The following ZFYVE26 variants were observed in gnomAD, a reference collection of about 807,000 sequenced individuals.
ZFYVE26 encodes the protein zinc finger FYVE domain-containing protein 26.
In ZFYVE26, 181 loss-of-function variants were observed where a neutral mutation model predicts 276.5. The ratio of observed to expected loss-of-function variants is 0.65; its 90% confidence interval spans 0.58 to 0.74. The LOEUF is 0.74. Among genes scored for constraint, ZFYVE26 ranks in the 30% least tolerant of loss-of-function variants. The pLI is 0.00. For synonymous variants in ZFYVE26, 1,129 were observed against 1,203.1 expected (o/e 0.94, Z 1.27); for missense variants, 2,821 against 3,097.9 (o/e 0.91, Z 2.12).
Position 67,782,952 on chromosome 14 carries a change from A to G in ZFYVE26, c.4200T>C (p.Val1400=). The G allele has an allele frequency of 6.2e-7, 1 of 1,614,102 alleles. No homozygotes were observed. The highest frequency in any genetic ancestry group is 8.5e-7 in the Non-Finnish European group (1 of 1,179,998). The change falls in exon 21 of 42, where the codon GTT becomes GTC. Residue 1400 remains valine (V), a synonymous_variant. Transcript: ENST00000347230. ...CAATGGGAGAATGTAGGCCCAGGAGAACGGTAGAAAGACTGGCCCAACCAC... is the reference window on the plus strand; with the variant it reads ...CAATGGGAGAATGTAGGCCCAGGAGGACGGTAGAAAGACTGGCCCAACCAC... ...NLCGWASLST[V]LLGLHSPIAL... is the part of the protein sequence containing the mutation.
In ZFYVE26 at chr14:67,775,930, C is replaced by T; in HGVS notation, c.5151G>A (p.Val1717=). ...CTGCGTATCTGGAAAGCAGTGAGTC[C>T]ACCTCGTCCATAGTGAAGCCAATCT... The part of the protein sequence containing the change: ...GQEIGFTMDE[V]DSLLSRYAEK... Residue 1717 remains valine (V), a synonymous_variant, in exon 26 of 42, where the codon GTG becomes GTA. Coordinates refer to ENST00000347230, the MANE Select transcript of ZFYVE26 (RefSeq NM_015346.4). 3 of 1,614,148 alleles carry T rather than the reference C, an allele frequency of 1.9e-6. No individual in the cohort carries two copies. The highest frequency in any genetic ancestry group is 1.7e-6 in the Non-Finnish European group (2 of 1,180,022).
At chr14:67,729,261 G>C (rs2038234251) in exon 14 of ZFYVE26, 1 of 1,607,782 alleles carries the variant, frequency 6.2e-7, no homozygotes, top group Non-Finnish European at 8.5e-7. Flanking sequence ...ACTCCTCCCT[G>C]CTCTGCCTGC....
rs1443405002 is a variant in ZFYVE26, at chr14:67,809,915, G to T, written c.274-626C>A. Among the ~76,000 whole-genome samples the T allele has an allele frequency of 4.0e-5, 6 of 151,814 alleles. No homozygotes were observed. In the East Asian group the frequency reaches 9.7e-4, roughly 25 times the overall value. On this transcript the variant is annotated intron_variant, in intron 3 of 41. Coordinates refer to ENST00000347230, the MANE Select transcript of ZFYVE26 (RefSeq NM_015346.4). ...TTCTCCTGCCTCAGGCTCCCGAGAA[G>T]CTGGGACTATAGGCGTGTGCCACCA...
chr14:67,766,312 T>C lies in ZFYVE26; in HGVS notation c.5926A>G (p.Thr1976Ala). 6.2e-7 allele frequency: 1 copy of C among 1,613,656 alleles called. No individual in the cohort carries two copies. Among genetic ancestry groups the C allele is most frequent in the Non-Finnish European group, 8.5e-7 (1 of 1,180,036 alleles). Residue 1976 changes from threonine (T) to alanine (A), a missense_variant, in exon 32 of 42, where the codon ACG (threonine) becomes GCG (alanine). By Grantham distance (58) the Thr-to-Ala change is moderately conservative. Coordinates refer to ENST00000347230, the MANE Select transcript of ZFYVE26 (RefSeq NM_015346.4). The stretch of plus-strand genomic sequence containing the variant: ...AACAGCAGCTGCTTCATGATGTCCG[T>C]GAGCAGCCCGGCATCCACCTCTGGG... ...TNPEVDAGLL[T>A]DIMKQLLFSA...
In ZFYVE26 at chr14:67,775,007, A is replaced by G. The variant is rs559219595; in HGVS notation, c.5320+9T>C. 1.9e-6 allele frequency: 3 copies of G among 1,600,634 alleles called. No individual in the cohort carries two copies. The African/African-American group carries it at 4.0e-5, about 21-fold the overall frequency. On this transcript the variant is annotated intron_variant, in intron 27 of 41. Coordinates refer to ENST00000347230, the MANE Select transcript of ZFYVE26 (RefSeq NM_015346.4). ...AAAATTTTAGTGAATCATCAGAGCC[A>G]GTTCTTACCAGGAGGAGCAGCAGGA...
intron 3 of ZFYVE26, among the ~76,000 whole-genome samples, chr14:67,810,990 G>T (rs2140255956): frequency 6.6e-6 from 1 of 152,262 alleles, no homozygotes; most frequent in South Asian, 2.1e-4. Flanking sequence ...AGGCTAACAT[G>T]ATCTAATGTG....
intron 13 of ZFYVE26, among the ~76,000 whole-genome samples, chr14:67,732,476 G>A (rs1343638398): frequency 4.8e-5 from 7 of 145,942 alleles, no homozygotes; most frequent in Admixed American, 4.2e-4. Context: ...GTATGATCCC[G>A]GTTTTATGTA....
chr14:67,805,456 G>T lies in ZFYVE26; in HGVS notation c.1180C>A (p.Gln394Lys). 1 of 1,614,178 alleles carries T rather than the reference G, an allele frequency of 6.2e-7. No homozygotes were observed. The highest frequency in any genetic ancestry group is 8.5e-7 in the Non-Finnish European group (1 of 1,180,038). ...CTGGGATGCTGAGTGAGAGTTACCT[G>T]GGTCCTGTGCAGGGTCTGGAGCAGC... is the stretch of plus-strand genomic sequence containing the variant. ...KRLLQTLHRT[Q>K]GPGCDELLRD... The change falls in exon 7 of 42, where the codon CAG becomes AAG. Residue 394 changes from glutamine to lysine, a missense_variant and splice_region_variant. Gln to Lys is a moderately conservative substitution (Grantham distance 53, BLOSUM62 1). Coordinates refer to ENST00000347230, the MANE Select transcript of ZFYVE26 (RefSeq NM_015346.4).
intron 32 of ZFYVE26, among the ~76,000 whole-genome samples, chr14:67,763,933 G>C (rs1394772620): frequency 6.6e-6 from 1 of 152,140 alleles, no homozygotes; most frequent in Non-Finnish European, 1.5e-5. Flanking sequence ...TCAATGGCCT[G>C]TATTCCTGGT....
chr14:67,816,302 A>G lies in ZFYVE26; in HGVS notation c.-84+232T>C, dbSNP rs2140261452. Among the ~76,000 whole-genome samples, 3 of 152,282 alleles carry G rather than the reference A, an allele frequency of 2.0e-5. No homozygotes were observed. In the Middle Eastern group the frequency reaches 0.01, roughly 518 times the overall value. On this transcript the variant is annotated intron_variant, in intron 1 of 41. Transcript: ENST00000347230. ...CCATAACTCTACGTCCGTATTCCCT[A>G]CTGAACGTTATGCCCAGTCTTGACT...
intron 39 of ZFYVE26, 135 bp from the exon 40 acceptor site, chr14:67,752,661 T>G: frequency 1.0e-6 from 1 of 987,620 alleles, no homozygotes; most frequent in Non-Finnish European, 1.5e-6. Flanking sequence ...AAAACATAAA[T>G]ATACCAAACA....
chr14:67,745,259 G>A (rs2038467862), downstream of ZFYVE26, among the ~76,000 whole-genome samples: 1 of 151,972 alleles, frequency 6.6e-6, no homozygotes, highest in Admixed American at 6.6e-5. Context: ...GATGGGATTG[G>A]TTTTTCTTGT....
Position 67,778,152 on chromosome 14 carries a change from T to G in ZFYVE26, c.4771A>C (p.Arg1591=). Residue 1591 remains arginine (R), a synonymous_variant, in exon 24 of 42, where the codon AGA becomes CGA. Transcript: ENST00000347230. The part of the protein sequence containing the change: ...HQKHLLHLLE[R]RDHDKALQLL... ...TGCAGAGCCTTGTCATGATCTCTTC[T>G]TTCTAGAAGGTGGAGAAGATGCTTT... is the stretch of plus-strand genomic sequence containing the variant. The G allele has an allele frequency of 6.2e-7, 1 of 1,614,216 alleles. No individual in the cohort carries two copies. The highest frequency in any genetic ancestry group is 8.5e-7 in the Non-Finnish European group (1 of 1,180,026).
At chr14:67,771,378 G>C (rs1476552817) in intron 28 of ZFYVE26, among the ~76,000 whole-genome samples, 2 of 152,164 alleles carry the variant, frequency 1.3e-5, no homozygotes, top group Non-Finnish European at 2.9e-5. Flanking sequence ...GTCTACAGTG[G>C]ATGGGCATCA....
chr14:67,784,326 G>A lies in ZFYVE26; in HGVS notation c.3626+8C>T. The A allele has an allele frequency of 6.2e-7, 1 of 1,612,526 alleles. No individual in the cohort carries two copies. The highest frequency in any genetic ancestry group is 2.2e-5 in the East Asian group (1 of 44,882). On this transcript the variant is annotated splice_region_variant and intron_variant, in intron 20 of 41. Coordinates refer to ENST00000347230, the MANE Select transcript of ZFYVE26 (RefSeq NM_015346.4). Reference sequence around the variant, plus strand: ...CCCATGGCTGACTTGCATGGAGGTGGCTCCTACCTCTCTGGGGGAACTTGT... The same window carrying A: ...CCCATGGCTGACTTGCATGGAGGTGACTCCTACCTCTCTGGGGGAACTTGT...
rs753794259 is a variant in ZFYVE26 at position 67,755,211 on chromosome 14, T to C, written c.6826A>G (p.Ser2276Gly). ...RAAMTCIRFFSHKAKSYTELG... is the reference protein window; with the variant it reads ...RAAMTCIRFFGHKAKSYTELG... ...TCTGTATATGACTTTGCTTTGTGAC[T>C]GAAGAACCGAATACAGGTCATGGCG... Residue 2276 changes from serine (S) to glycine (G), a missense_variant, in exon 37 of 42, where the codon AGT becomes GGT. Coordinates refer to ENST00000347230, the MANE Select transcript of ZFYVE26 (RefSeq NM_015346.4). 1 of 1,614,196 alleles carries C rather than the reference T, an allele frequency of 6.2e-7. No individual in the cohort carries two copies. The highest frequency in any genetic ancestry group is 8.5e-7 in the Non-Finnish European group (1 of 1,180,044).
At position 67,757,680 on chromosome 14, in the gene ZFYVE26, T is replaced by TTCTC. The variant is rs945543253; in HGVS notation, c.6589-1539_6589-1536dup. 4.7e-4 allele frequency among the ~76,000 whole-genome samples: 68 copies of TTCTC among 144,880 alleles called. 1 individual carries two copies. The highest frequency in any genetic ancestry group is 1.4e-3 in the Admixed American group (20 of 14,726). On this transcript the variant is annotated intron_variant, in intron 35 of 41. Coordinates refer to ENST00000347230, the MANE Select transcript of ZFYVE26 (RefSeq NM_015346.4). ...TTTCTTTCTTTCTTTCTTTCTTTCT[T>TTCTC]TCTCTCTCTCTTTCCTTTCTTTCTC...
At chr14:67,799,015 A>G (rs1594931379) in intron 10 of ZFYVE26, 5 of 1,154,922 alleles carry the variant, frequency 4.3e-6, no homozygotes, top group Non-Finnish European at 6.6e-6. Context: ...AGATCCTGGG[A>G]AAAGTCTATT....
At chr14:67,765,203 T>C (rs2039025951) in intron 32 of ZFYVE26, among the ~76,000 whole-genome samples, 1 of 152,206 alleles carries the variant, frequency 6.6e-6, no homozygotes, top group Admixed American at 6.5e-5. Context: ...TTCACTTCCT[T>C]CTACTTTGTT....
Sources: allele counts gnomAD v4.1 joint callset (sites outside exome capture counted in the v4.1 genomes callset), GRCh38; gene constraint gnomAD v4.1.1; transcripts MANE v1.5; gene names NCBI Gene and HGNC (gene_info 2026-07-23, HGNC 2026-07-21).